NUP62CL: variants seen among roughly 807,000 people sequenced by gnomAD.
NUP62CL encodes nucleoporin 62 C-terminal like, also known as nucleoporin-62 C-terminal-like protein.
NUP62CL carries 13 observed loss-of-function variants against 15.3 expected under a neutral mutation model. That is an observed-to-expected ratio of 0.85 (90% CI 0.55 to 1.35). The LOEUF is 1.35. Among genes scored for constraint, NUP62CL ranks in the 40% most tolerant of loss-of-function variants. The probability of loss-of-function intolerance (pLI) is 0.00; values close to 1 mark genes in which losing one functional copy is unlikely to be tolerated. For synonymous variants in NUP62CL, 54 were observed against 49.2 expected (o/e 1.10, Z -0.41); for missense variants, 123 against 130.6 (o/e 0.94, Z 0.28).
intron 3 of NUP62CL, among the ~76,000 whole-genome samples, chrX:107,168,892 G>A (rs1602653676): frequency 8.9e-6 from 1 of 111,946 alleles, no homozygotes; most frequent in East Asian, 2.8e-4. Context: ...TGGCCTGAGG[G>A]AACATTCCTG....
rs1208651866 is a variant in NUP62CL, at chrX:107,200,733, G to A, written c.-92+5540C>T. ...GACCTAGGAAGAGGTATGGCAGCTT[G>A]GAAAGGGGATGGAGGGATGCAAGAG... is the stretch of plus-strand genomic sequence containing the variant. On this transcript the variant is annotated intron_variant, in intron 1 of 8. Coordinates refer to ENST00000372466, the MANE Select transcript of NUP62CL (RefSeq NM_017681.3). Among the ~76,000 whole-genome samples the A allele has an allele frequency of 3.6e-5, 4 of 109,596 alleles. No homozygotes were observed. In the East Asian group the frequency reaches 1.1e-3, roughly 31 times the overall value.
At chrX:107,179,631 A>G (rs990153054) in intron 2 of NUP62CL, among the ~76,000 whole-genome samples, 1 of 112,060 alleles carries the variant, frequency 8.9e-6, no homozygotes, top group African/African-American at 3.2e-5. Context: ...ACTTATGGAC[A>G]TTGAGGTTGA....
At chrX:107,200,027 A>C (rs1159483143) in intron 1 of NUP62CL, among the ~76,000 whole-genome samples, 1 of 111,966 alleles carries the variant, frequency 8.9e-6, no homozygotes, top group Non-Finnish European at 1.9e-5. Flanking sequence ...GGAGAGGTGA[A>C]GTTAGCCCAG....
chrX:107,203,109 G>A (rs890367969), intron 1 of NUP62CL, among the ~76,000 whole-genome samples: 1 of 109,771 alleles, frequency 9.1e-6, no homozygotes, highest in African/African-American at 3.3e-5. Context: ...AAAACTCCCA[G>A]CTCAGGTCCA....
intron 3 of NUP62CL, among the ~76,000 whole-genome samples, chrX:107,170,302 T>C (rs1926617857): frequency 9.0e-6 from 1 of 111,489 alleles, no homozygotes; most frequent in South Asian, 3.7e-4. Context: ...GATAAACTGT[T>C]CTCTCTAGAG....
At chrX:107,192,776 G>T (rs1192350200) in intron 2 of NUP62CL, among the ~76,000 whole-genome samples, 1 of 112,009 alleles carries the variant, frequency 8.9e-6, no homozygotes, top group Non-Finnish European at 1.9e-5. Flanking sequence ...ATCAGAAACT[G>T]TATTGCTCTT....
At chrX:107,165,407 A>G (rs1445517534) in intron 4 of NUP62CL, among the ~76,000 whole-genome samples, 1 of 111,451 alleles carries the variant, frequency 9.0e-6, no homozygotes. Flanking sequence ...CCAACATTTT[A>G]TGAATTAACA....
intron 8 of NUP62CL, among the ~76,000 whole-genome samples, chrX:107,137,185 C>T (rs2147793142): frequency 8.9e-6 from 1 of 111,857 alleles, no homozygotes; most frequent in African/African-American, 3.2e-5. Flanking sequence ...AAATCCAGTA[C>T]CTGTTCATGG....
chrX:107,140,261 C>G (rs1428629458), intron 8 of NUP62CL, among the ~76,000 whole-genome samples: 1 of 111,981 alleles, frequency 8.9e-6, no homozygotes, highest in Non-Finnish European at 1.9e-5. Flanking sequence ...GAAATTATTA[C>G]TTATTCAAGT....
chrX:107,142,134 C>A (rs760587546), intron 8 of NUP62CL, among the ~76,000 whole-genome samples: 7 of 110,589 alleles, frequency 6.3e-5, no homozygotes, highest in Non-Finnish European at 1.3e-4. Flanking sequence ...TCCAAAAAAT[C>A]TAATTAAAAG....
chrX:107,165,324 ATAAAT>A (rs1926492415), intron 4 of NUP62CL, among the ~76,000 whole-genome samples: 1 of 109,705 alleles, frequency 9.1e-6, no homozygotes, highest in Admixed American at 9.8e-5. Flanking sequence ...AATAATAATA[ATAAAT>A]TAATTAATAA....
At chrX:107,139,805 A>C (rs1399303947) in intron 8 of NUP62CL, among the ~76,000 whole-genome samples, 6 of 111,918 alleles carry the variant, frequency 5.4e-5, no homozygotes, top group African/African-American at 1.9e-4. Context: ...ATTAAGGTTT[A>C]TTTCTCATTC....
intron 2 of NUP62CL, among the ~76,000 whole-genome samples, chrX:107,189,349 C>A (rs1569365420): frequency 9.0e-6 from 1 of 111,198 alleles, no homozygotes; most frequent in Non-Finnish European, 1.9e-5. Context: ...TGAAAAAAAT[C>A]AGTACACAAA....
intron 7 of NUP62CL, among the ~76,000 whole-genome samples, chrX:107,152,959 A>G (rs2275789): frequency 0.18 from 20,199 of 111,587 alleles, 1,508 homozygotes; most frequent in East Asian, 0.48. Flanking sequence ...GCTATAAAAC[A>G]AAATTGCCAG....
intron 1 of NUP62CL, among the ~76,000 whole-genome samples, chrX:107,197,624 A>G (rs972325191): frequency 2.4e-4 from 26 of 108,955 alleles, no homozygotes; most frequent in African/African-American, 8.7e-4. Flanking sequence ...GGAATACTAG[A>G]TGATAAAGGC....
Position 107,132,799 on chromosome X carries a change from G to A in NUP62CL, c.*43-8467C>T, listed in dbSNP as rs762143973. On this transcript the variant is annotated intron_variant, in intron 8 of 8. Coordinates refer to ENST00000372466, the MANE Select transcript of NUP62CL (RefSeq NM_017681.3). The stretch of plus-strand genomic sequence containing the variant: ...TGAAATACTTGTAAATGACTTTAGG[G>A]ACCCTTCTGAGTCCTTTAAATTCGA... 2.7e-5 allele frequency among the ~76,000 whole-genome samples: 3 copies of A among 111,797 alleles called. No individual in the cohort carries two copies. The South Asian group carries it at 1.1e-3, about 42-fold the overall frequency.
intron 2 of NUP62CL, among the ~76,000 whole-genome samples, chrX:107,192,570 G>A (rs768170937): frequency 7.2e-5 from 8 of 110,866 alleles, no homozygotes; most frequent in South Asian, 7.7e-4. Context: ...TTGTAGAGAC[G>A]GAGTTTTGCC....
At chrX:107,187,310 A>C (rs891746826) in intron 2 of NUP62CL, among the ~76,000 whole-genome samples, 2 of 112,338 alleles carry the variant, frequency 1.8e-5, no homozygotes, top group African/African-American at 6.5e-5. Context: ...AAATAAGCCC[A>C]AAGCAAACAG....
intron 7 of NUP62CL, among the ~76,000 whole-genome samples, chrX:107,152,079 G>GATATATATAT (rs750141716): frequency 3.2e-4 from 12 of 37,361 alleles, no homozygotes; most frequent in African/African-American, 1.0e-3. Flanking sequence ...TATATATTCA[G>GATATATATAT]ATATATATAT....
Sources: gnomAD v4.1 joint callset for allele counts (sites outside exome capture counted in the v4.1 genomes callset) on GRCh38, gnomAD v4.1.1 for gene constraint, MANE v1.5 for transcripts, NCBI Gene and HGNC (gene_info 2026-07-23, HGNC 2026-07-21) for gene names.